Variants in KANK4 observed in about 807,000 individuals in gnomAD.
The protein encoded by KANK4 is KN motif and ankyrin repeat domain-containing protein 4.
A neutral mutation model predicts 80.8 loss-of-function variants in KANK4; 50 were observed. The observed-to-expected ratio is 0.62, with a 90% confidence interval of 0.49 to 0.78. The LOEUF is 0.78. Among genes scored for constraint, KANK4 ranks in the 30% least tolerant of loss-of-function variants. The pLI is 0.00. For synonymous variants in KANK4, 465 were observed against 506.9 expected (o/e 0.92, Z 1.11); for missense variants, 1,196 against 1,240.1 (o/e 0.96, Z 0.53).
At chr1:62,292,265 C>T (rs1299105399) in intron 1 of KANK4, among the ~76,000 whole-genome samples, 1 of 152,090 alleles carries the variant, frequency 6.6e-6, no homozygotes, top group African/African-American at 2.4e-5. Context: ...CACACAGTAC[C>T]TTGGTAATAG....
At position 62,273,347 on chromosome 1, in the gene KANK4, G is replaced by A; in HGVS notation, c.1757C>T (p.Ala586Val). Residue 586 changes from alanine (A) to valine (V), a missense_variant, in exon 3 of 10, where the codon GCC becomes GTC. Transcript: ENST00000371153. ...NCLEHGYPEL[A>V]SAIKQPASKL... Reference sequence around the variant, plus strand: ...GGAGGCTGGCTGCTTGATGGCGCTGGCCAGCTCCGGGTACCCATGCTCCAG... The same window carrying A: ...GGAGGCTGGCTGCTTGATGGCGCTGACCAGCTCCGGGTACCCATGCTCCAG... 1.2e-6 allele frequency: 2 copies of A among 1,608,262 alleles called. No individual in the cohort carries two copies. Among genetic ancestry groups the A allele is most frequent in the Non-Finnish European group, 1.7e-6 (2 of 1,175,702 alleles).
At chr1:62,252,072 G>A (rs1671635751) in intron 8 of KANK4, among the ~76,000 whole-genome samples, 1 of 152,040 alleles carries the variant, frequency 6.6e-6, no homozygotes, top group Admixed American at 6.6e-5. Flanking sequence ...GTAACAAATG[G>A]GCTACTTTGG....
chr1:62,314,205 G>T (rs1043864776), intron 1 of KANK4, among the ~76,000 whole-genome samples: 1 of 152,060 alleles, frequency 6.6e-6, no homozygotes, highest in African/African-American at 2.4e-5. Context: ...GTAGAGATGG[G>T]GTTTCTCCAT....
At chr1:62,244,264 C>T (rs187003921) in intron 9 of KANK4, among the ~76,000 whole-genome samples, 2 of 151,750 alleles carry the variant, frequency 1.3e-5, no homozygotes, top group East Asian at 3.9e-4. Context: ...GGTATGATCA[C>T]GGCTCACTGT....
In KANK4 at chr1:62,263,248, G is replaced by A. The variant is rs866759938; in HGVS notation, c.2383C>T (p.Pro795Ser). 1 of 1,613,582 alleles carries A rather than the reference G, an allele frequency of 6.2e-7. No homozygotes were observed. The highest frequency in any genetic ancestry group is 1.3e-5 in the African/African-American group (1 of 75,000). ...FRVSSRKSSS[P>S]AVVASYLHEV... The stretch of plus-strand genomic sequence containing the variant: ...TGGAGGTAGGAGGCCACCACGGCGG[G>A]GCTAGACGACTTCCGGCTGGAGACG... The change falls in exon 7 of 10, where the codon CCC (proline) becomes TCC (serine). Residue 795 changes from proline (P) to serine (S), a missense_variant. Physicochemically the swap from Pro to Ser is moderately conservative, Grantham distance 74. This residue lies in a region of KANK4 where 1,154 missense variants were observed against 1,179.6 expected (regional missense o/e 0.98). Coordinates refer to ENST00000371153, the MANE Select transcript of KANK4 (RefSeq NM_181712.5).
rs1001085274 is a variant in KANK4 at position 62,236,901 on chromosome 1, T to C, written c.*1376A>G. ...GTGAACCACCGCGCTCGGCCACAAA[T>C]TGGATTTTGAAACTTCCATCAGCTG... On this transcript the variant is annotated 3_prime_UTR_variant, in exon 10 of 10. Transcript: ENST00000371153. 4.6e-5 allele frequency: 7 copies of C among 152,088 alleles called. No homozygotes were observed. The highest frequency in any genetic ancestry group is 1.7e-4 in the African/African-American group (7 of 41,408). The allele number at this position is 152,088 out of a possible 1,614,324, so 9.4% of individuals were successfully genotyped here. A position where few individuals can be genotyped will look rare whatever the true frequency, so the allele number is the denominator to read the frequency against.
At chr1:62,266,052 A>C (rs1158019969) in intron 6 of KANK4, among the ~76,000 whole-genome samples, 1 of 152,186 alleles carries the variant, frequency 6.6e-6, no homozygotes, top group African/African-American at 2.4e-5. Context: ...CCCATTCTAC[A>C]TGCTTTTCAC....
intron 1 of KANK4, among the ~76,000 whole-genome samples, chr1:62,309,799 A>G (rs565663733): frequency 6.6e-6 from 1 of 152,304 alleles, no homozygotes; most frequent in East Asian, 1.9e-4. Context: ...TCCAGGTAAC[A>G]CATCTACATT....
rs1022637044 is a variant in KANK4, at chr1:62,294,624, G to A, written c.-70-12990C>T. On this transcript the variant is annotated intron_variant, in intron 1 of 9. Transcript: ENST00000371153. ...GGAAAATCAGTTTAAACCAAACTGA[G>A]GCTAAGTGATCCCCAGAACCTGGGT... 1.0e-4 allele frequency among the ~76,000 whole-genome samples: 12 copies of A among 120,256 alleles called. No individual in the cohort carries two copies. In the Admixed American group the frequency reaches 1.1e-3, roughly 11 times the overall value. 78.9% of individuals were successfully genotyped at this position (120,256 alleles called of 152,430 possible).
At chr1:62,260,226 C>T (rs1671847486) in intron 7 of KANK4, among the ~76,000 whole-genome samples, 1 of 152,178 alleles carries the variant, frequency 6.6e-6, no homozygotes, top group South Asian at 2.1e-4. Flanking sequence ...GCTTTCCCGG[C>T]TCCTCCCAGA....
intron 1 of KANK4, among the ~76,000 whole-genome samples, chr1:62,296,010 G>A (rs980476025): frequency 2.6e-5 from 4 of 152,150 alleles, no homozygotes; most frequent in African/African-American, 9.7e-5. Context: ...ACCTGGGCAC[G>A]ACTCCTCTGT....
Position 62,274,843 on chromosome 1 carries a change from G to T in KANK4, c.261C>A (p.Pro87=). The T allele has an allele frequency of 1.2e-6, 2 of 1,614,148 alleles. No individual in the cohort carries two copies. Among genetic ancestry groups the T allele is most frequent in the South Asian group, 2.2e-5 (2 of 91,088 alleles). The change falls in exon 3 of 10, where the codon CCC becomes CCA. Residue 87 remains proline (P), a synonymous_variant. Transcript: ENST00000371153. ...DSGARPPAAP[P]LQNWSPVVPR... is the part of the protein sequence containing the mutation. ...GCACCACGGGAGACCAGTTTTGGAG[G>T]GGCGGGGCTGCAGGGGGGCGAGCCC...
intron 1 of KANK4, among the ~76,000 whole-genome samples, chr1:62,301,715 T>C (rs1184506537): frequency 6.6e-6 from 1 of 151,954 alleles, no homozygotes. Context: ...ATTTCCTCCT[T>C]ATAGGATTAC....
chr1:62,287,222 C>T (rs1246827972), intron 1 of KANK4, among the ~76,000 whole-genome samples: 2 of 152,176 alleles, frequency 1.3e-5, no homozygotes, highest in African/African-American at 4.8e-5. Context: ...GTGCTGCTCC[C>T]GGACCTGAAA....
chr1:62,303,079 G>A (rs1370660964), intron 1 of KANK4, among the ~76,000 whole-genome samples: 1 of 152,116 alleles, frequency 6.6e-6, no homozygotes, highest in Non-Finnish European at 1.5e-5. Context: ...GAGATCAAGA[G>A]CTGAGACTGA....
At position 62,274,242 on chromosome 1, in the gene KANK4, G is replaced by T. The variant is rs1192854172; in HGVS notation, c.862C>A (p.Pro288Thr). 1.9e-6 allele frequency: 3 copies of T among 1,614,122 alleles called. No individual in the cohort carries two copies. The South Asian group carries it at 3.3e-5, about 18-fold the overall frequency. Residue 288 changes from proline (P) to threonine (T), a missense_variant, in exon 3 of 10, where the codon CCT becomes ACT. Physicochemically the swap from Pro to Thr is conservative, Grantham distance 38. Around this residue, in one of 3 missense-constraint regions of KANK4, gnomAD observed 1,154 missense variants for 1,179.6 expected, o/e 0.98. Coordinates refer to ENST00000371153, the MANE Select transcript of KANK4 (RefSeq NM_181712.5). ...TTCTCAGGGATGGGTGATGGCAGAGGTGGCGGGCTTGGCGTAGGGGAGCCA... is the reference window on the plus strand; with the variant it reads ...TTCTCAGGGATGGGTGATGGCAGAGTTGGCGGGCTTGGCGTAGGGGAGCCA... ...TPGSPTPSPPPLPSPIPENEL... is the reference protein window; with the variant it reads ...TPGSPTPSPPTLPSPIPENEL...
intron 1 of KANK4, among the ~76,000 whole-genome samples, chr1:62,288,528 A>G (rs950847051): frequency 4.0e-5 from 6 of 151,478 alleles, no homozygotes; most frequent in Non-Finnish European, 8.8e-5. Context: ...CTGGTCACAG[A>G]CACAGTCATT....
chr1:62,281,550 A>T lies in KANK4; in HGVS notation c.15T>A (p.Asp5Glu). The change falls in exon 2 of 10, where the codon GAT becomes GAA. Residue 5 changes from aspartate (D) to glutamate (E), a missense_variant and splice_region_variant. Around this residue, in one of 3 missense-constraint regions of KANK4, gnomAD observed 36 missense variants for 34.0 expected, o/e 1.06. Coordinates refer to ENST00000371153, the MANE Select transcript of KANK4 (RefSeq NM_181712.5). The stretch of plus-strand genomic sequence containing the variant: ...GGCCCTACAAAGCAGCTTGCCTACC[A>T]TCTGTCTTCTCCATCTTTGGAGCGC... MEKT[D>E]AKDQSSQGDE... is the part of the protein sequence containing the mutation. 6.2e-7 allele frequency: 1 copy of T among 1,614,192 alleles called. No homozygotes were observed. Among genetic ancestry groups the T allele is most frequent in the Non-Finnish European group, 8.5e-7 (1 of 1,180,036 alleles).
rs1375565919 is a variant in KANK4 at position 62,281,746 on chromosome 1, C to T, written c.-70-112G>A. The T allele has an allele frequency of 9.7e-6, 7 of 721,186 alleles. No homozygotes were observed. In the African/African-American group the frequency reaches 1.0e-4, roughly 11 times the overall value. The allele number at this position is 721,186 out of a possible 1,614,324, so 44.7% of individuals were successfully genotyped here. A position where few individuals can be genotyped will look rare whatever the true frequency, so the allele number is the denominator to read the frequency against. Reference sequence around the variant, plus strand: ...CCATCCCTGCCTTTCTCCCAGGGTGCCCATGAGCTCACAGCCCTCCAAGGA... The same window carrying T: ...CCATCCCTGCCTTTCTCCCAGGGTGTCCATGAGCTCACAGCCCTCCAAGGA... On this transcript the variant is annotated intron_variant, in intron 1 of 9. Coordinates refer to ENST00000371153, the MANE Select transcript of KANK4 (RefSeq NM_181712.5).
Sources: gnomAD v4.1 joint callset for allele counts (sites outside exome capture counted in the v4.1 genomes callset) on GRCh38, gnomAD v4.1.1 for gene constraint, gnomAD v4.1.1 regional missense constraint, MANE v1.5 for transcripts, NCBI Gene and HGNC (gene_info 2026-07-23, HGNC 2026-07-21) for gene names.